The following SESN1 variants were observed in gnomAD, a reference collection of about 807,000 sequenced individuals.
The protein encoded by SESN1 is sestrin 1.
SESN1 carries 30 observed loss-of-function variants against 59.3 expected under a neutral mutation model. The observed-to-expected ratio is 0.51, with a 90% CI of 0.38 to 0.69. The LOEUF (loss-of-function observed/expected upper bound fraction) is 0.69, where lower values mean the gene tolerates loss of function less well. Ranked by LOEUF, SESN1 falls within the 30% of genes least tolerant of loss-of-function variation. The probability of loss-of-function intolerance (pLI) is 0.00; values close to 1 mark genes in which losing one functional copy is unlikely to be tolerated. For synonymous variants in SESN1, 197 were observed against 219.9 expected (o/e 0.90, Z 0.92); for missense variants, 566 against 673.0 (o/e 0.84, Z 1.76).
At chr6:109,010,406 T>A (rs184862073) in intron 1 of SESN1, among the ~76,000 whole-genome samples, 1 of 152,322 alleles carries the variant, frequency 6.6e-6, no homozygotes, top group Admixed American at 6.5e-5. Flanking sequence ...TTTTTGCATG[T>A]TTATGCTGTT....
At chr6:108,998,382 A>T (rs1779542131) in intron 5 of SESN1, 131 bp downstream of exon 5, 7 of 1,001,152 alleles carry the variant, frequency 7.0e-6, no homozygotes, top group Non-Finnish European at 2.9e-6. Flanking sequence ...CTACTGAATG[A>T]ATAGATATAG....
chr6:109,011,750 T>C (rs1779862317), intron 1 of SESN1, among the ~76,000 whole-genome samples: 1 of 151,588 alleles, frequency 6.6e-6, no homozygotes, highest in South Asian at 2.1e-4. Context: ...CACCTCAGCC[T>C]CCTGAGTAGC....
At chr6:109,009,322 G>A (rs1779807359) in intron 1 of SESN1, 8 of 1,456,436 alleles carry the variant, frequency 5.5e-6, no homozygotes, top group East Asian at 3.0e-5. Flanking sequence ...CACCCGCCCA[G>A]GTACCCAGCG....
chr6:108,988,725 T>G, intron 8 of SESN1, 38 bp from the exon 9 acceptor site: 1 of 1,505,920 alleles, frequency 6.6e-7, no homozygotes, highest in Non-Finnish European at 9.0e-7. Context: ...ATATTTTCAG[T>G]GTATAACCTG....
chr6:109,005,545 AATT>A (rs1779715607), intron 1 of SESN1, among the ~76,000 whole-genome samples: 1 of 152,218 alleles, frequency 6.6e-6, no homozygotes, highest in African/African-American at 2.4e-5. Context: ...TTATATGCCA[AATT>A]ATTATAAAAC....
intron 1 of SESN1, among the ~76,000 whole-genome samples, chr6:109,084,152 C>T (rs768700516): frequency 3.0e-4 from 45 of 152,146 alleles, no homozygotes; most frequent in Non-Finnish European, 1.0e-4. Context: ...ATACTATTCA[C>T]TAAATGAATA....
At chr6:109,041,258 G>A (rs1030554162) in intron 1 of SESN1, among the ~76,000 whole-genome samples, 2 of 152,002 alleles carry the variant, frequency 1.3e-5, no homozygotes, top group East Asian at 3.9e-4. Context: ...GCTGCAGTGA[G>A]TTGTGATTGT....
At position 109,000,533 on chromosome 6, in the gene SESN1, C is replaced by T. The variant is rs752393080; in HGVS notation, c.687G>A (p.Val229=). The T allele has an allele frequency of 1.2e-5, 20 of 1,610,570 alleles. No homozygotes were observed. The highest frequency in any genetic ancestry group is 3.4e-5 in the Admixed American group (2 of 59,698). The change falls in exon 4 of 10, where the codon GTG becomes GTA. Residue 229 remains valine (V), a synonymous_variant. Transcript: ENST00000436639. ...TAATAAGCCAAGGTCTATGGGCTAACACTTTGTTAAGTTCTCCTAAATTCT... is the reference window on the plus strand; with the variant it reads ...TAATAAGCCAAGGTCTATGGGCTAATACTTTGTTAAGTTCTCCTAAATTCT... ...KLQNLGELNK[V]LAHRPWLITK...
chr6:108,987,415 C>G lies in SESN1; in HGVS notation c.*129G>C. 2 of 558,696 alleles carry G rather than the reference C, an allele frequency of 3.6e-6. No individual in the cohort carries two copies. The highest frequency in any genetic ancestry group is 5.4e-5 in the South Asian group (2 of 37,046). The allele number at this position is 558,696 out of a possible 1,614,324, so 34.6% of individuals were successfully genotyped here. Reference sequence around the variant, plus strand: ...GTTTTCCACAGAAAAATAGCAGAAACTAAAGGAATCATGGCACAATGGATT... The same window carrying G: ...GTTTTCCACAGAAAAATAGCAGAAAGTAAAGGAATCATGGCACAATGGATT... On this transcript the variant is annotated 3_prime_UTR_variant, in exon 10 of 10. Coordinates refer to ENST00000436639, the MANE Select transcript of SESN1 (RefSeq NM_014454.3).
chr6:109,016,268 A>G (rs888060703), intron 1 of SESN1, among the ~76,000 whole-genome samples: 2 of 152,214 alleles, frequency 1.3e-5, no homozygotes, highest in Non-Finnish European at 2.9e-5. Context: ...GTTTTTGTTT[A>G]TAACAGCTAT....
At chr6:109,082,483 C>A (rs1391946684) in intron 1 of SESN1, among the ~76,000 whole-genome samples, 2 of 152,194 alleles carry the variant, frequency 1.3e-5, no homozygotes, top group East Asian at 3.9e-4. Context: ...AACTTCACAG[C>A]CCATGGTCTT....
rs1260174996 is a variant in SESN1, at chr6:108,986,395, TA to T, written c.*1148del. ...GTAGATAGAAACTCAAAATTATTAC[TA>T]ATAGTGAAGTCATGATTTTTTAAGA... On this transcript the variant is annotated 3_prime_UTR_variant, in exon 10 of 10. Coordinates refer to ENST00000436639, the MANE Select transcript of SESN1 (RefSeq NM_014454.3). 1 of 152,656 alleles carries T rather than the reference TA, an allele frequency of 6.6e-6. No homozygotes were observed. Among genetic ancestry groups the T allele is most frequent in the African/African-American group, 2.4e-5 (1 of 41,450 alleles). The allele number at this position is 152,656 out of a possible 1,614,324, so 9.5% of individuals were successfully genotyped here.
chr6:109,078,436 C>T (rs986398825), intron 1 of SESN1, among the ~76,000 whole-genome samples: 200 of 152,100 alleles, frequency 1.3e-3, no homozygotes, highest in African/African-American at 4.5e-3. Flanking sequence ...ATAATCCCTG[C>T]TGTTTGATAT....
At chr6:109,084,579 C>G (rs1205424546) in intron 1 of SESN1, among the ~76,000 whole-genome samples, 1 of 151,714 alleles carries the variant, frequency 6.6e-6, no homozygotes, top group Non-Finnish European at 1.5e-5. Context: ...CAAAAGAAAA[C>G]AAAACAAACA....
In SESN1 at chr6:109,094,041, A is replaced by T; in HGVS notation, c.33T>A (p.Asp11Glu). The T allele has an allele frequency of 2.5e-6, 4 of 1,614,104 alleles. No individual in the cohort carries two copies. Among genetic ancestry groups the T allele is most frequent in the Non-Finnish European group, 3.4e-6 (4 of 1,179,998 alleles). MAEGENEVRW[D>E]GLCSRDSTTR... The stretch of plus-strand genomic sequence containing the variant: ...TAGTTGAATCTCTGCTGCAGAGTCC[A>T]TCCCATCTCACTTCATTCTCTCCTT... The change falls in exon 1 of 10, where the codon GAT (aspartate) becomes GAA (glutamate). Residue 11 changes from aspartate to glutamate, a missense_variant. Coordinates refer to ENST00000436639, the MANE Select transcript of SESN1 (RefSeq NM_014454.3).
chr6:109,060,732 G>T (rs988245929), intron 1 of SESN1, among the ~76,000 whole-genome samples: 3 of 152,128 alleles, frequency 2.0e-5, no homozygotes, highest in East Asian at 1.9e-4. Flanking sequence ...AATTAAATGA[G>T]ATCAGTACTT....
intron 1 of SESN1, among the ~76,000 whole-genome samples, chr6:109,057,228 ATAAT>A (rs1780646183): frequency 6.6e-6 from 1 of 152,244 alleles, no homozygotes; most frequent in South Asian, 2.1e-4. Context: ...ACTATGTGAG[ATAAT>A]TAATATTTAT....
intron 1 of SESN1, among the ~76,000 whole-genome samples, chr6:109,055,661 C>CAAA (rs577017689): frequency 9.0e-4 from 46 of 51,104 alleles, no homozygotes; most frequent in Middle Eastern, 0.011. Flanking sequence ...GACTCCACCT[C>CAAA]AAAAAAAAAA....
At chr6:109,048,280 T>C (rs1780484582) in intron 1 of SESN1, among the ~76,000 whole-genome samples, 1 of 152,134 alleles carries the variant, frequency 6.6e-6, no homozygotes. Flanking sequence ...GCAGGCAGTT[T>C]AACCACAGGT....
Sources: gnomAD v4.1 joint callset for allele counts (sites outside exome capture counted in the v4.1 genomes callset) on GRCh38, gnomAD v4.1.1 for gene constraint, MANE v1.5 for transcripts, NCBI Gene and HGNC (gene_info 2026-07-23, HGNC 2026-07-21) for gene names.